SNTB1: variants seen among roughly 807,000 people sequenced by gnomAD.
The protein encoded by SNTB1 is beta-1-syntrophin.
SNTB1 carries 36 observed loss-of-function variants against 48.9 expected under a neutral mutation model. The observed-to-expected ratio is 0.74, with a 90% CI of 0.56 to 0.97. The LOEUF (loss-of-function observed/expected upper bound fraction) is 0.97. Ranked by LOEUF, SNTB1 falls within the 50% of genes least tolerant of loss-of-function variation. SNTB1 has a pLI of 0.00. For missense variants in SNTB1, 786 were observed against 703.4 expected (o/e 1.12, Z -1.33); for synonymous variants, 299 against 294.6 (o/e 1.01, Z -0.15).
chr8:120,775,295 T>A (rs1317327259), intron 1 of SNTB1: 2 of 152,128 alleles, frequency 1.3e-5, no homozygotes, highest in Non-Finnish European at 2.9e-5. Context: ...CCAGCGACAT[T>A]CATTCCGCAA....
At chr8:120,779,233 G>A (rs769163058) in intron 1 of SNTB1, among the ~76,000 whole-genome samples, 28 of 152,206 alleles carry the variant, frequency 1.8e-4, no homozygotes, top group Admixed American at 1.6e-3. Context: ...GGCTGGGCGT[G>A]GTGGCTCATG....
At chr8:120,758,419 A>G (rs748887103) in intron 1 of SNTB1, among the ~76,000 whole-genome samples, 11 of 152,164 alleles carry the variant, frequency 7.2e-5, no homozygotes, top group Admixed American at 2.0e-4. Flanking sequence ...GTGACTTTAC[A>G]TTGAGTTAGA....
intron 4 of SNTB1, among the ~76,000 whole-genome samples, chr8:120,564,881 T>C (rs892987508): frequency 6.6e-6 from 1 of 152,156 alleles, no homozygotes; most frequent in African/African-American, 2.4e-5. Context: ...TATGATTCTA[T>C]TTTTTAGATG....
At chr8:120,734,194 A>T (rs1818900213) in intron 1 of SNTB1, among the ~76,000 whole-genome samples, 1 of 152,202 alleles carries the variant, frequency 6.6e-6, no homozygotes, top group Non-Finnish European at 1.5e-5. Context: ...CTGTAATCCC[A>T]GCACTTTGGG....
At chr8:120,633,712 A>G (rs1817022426) in intron 2 of SNTB1, among the ~76,000 whole-genome samples, 1 of 152,214 alleles carries the variant, frequency 6.6e-6, no homozygotes, top group African/African-American at 2.4e-5. Context: ...AGAGATCTGT[A>G]TACTGTAATT....
chr8:120,658,168 TA>T (rs1195223690), intron 2 of SNTB1, among the ~76,000 whole-genome samples: 6 of 152,138 alleles, frequency 3.9e-5, no homozygotes, highest in Admixed American at 3.3e-4. Flanking sequence ...GGCTTCTATA[TA>T]AATAAAGATG....
chr8:120,720,797 G>A (rs538344569), intron 1 of SNTB1, among the ~76,000 whole-genome samples: 1 of 152,298 alleles, frequency 6.6e-6, no homozygotes, highest in Admixed American at 6.5e-5. Context: ...ACCAAGTCAG[G>A]AGTGAGTGGG....
intron 2 of SNTB1, among the ~76,000 whole-genome samples, chr8:120,683,474 G>T (rs1295978772): frequency 6.6e-6 from 1 of 152,168 alleles, no homozygotes; most frequent in Non-Finnish European, 1.5e-5. Flanking sequence ...CAAAAAAAGG[G>T]GGTGGGGGCG....
chr8:120,646,569 G>C (rs1817300764), intron 2 of SNTB1, among the ~76,000 whole-genome samples: 1 of 151,636 alleles, frequency 6.6e-6, no homozygotes, highest in South Asian at 2.1e-4. Context: ...CGTTTTGCCA[G>C]TATTTTATTG....
At chr8:120,705,110 T>C (rs1818360417) in intron 1 of SNTB1, among the ~76,000 whole-genome samples, 3 of 152,214 alleles carry the variant, frequency 2.0e-5, no homozygotes, top group Admixed American at 2.0e-4. Context: ...GATCAGCTTG[T>C]TGAAAGGCTC....
intron 3 of SNTB1, among the ~76,000 whole-genome samples, chr8:120,628,759 GAAAA>G (rs146824400): frequency 0.018 from 2,595 of 147,024 alleles, 72 homozygotes; most frequent in African/African-American, 0.061. Context: ...CCATCTCAAA[GAAAA>G]AAAAAAGAAA....
chr8:120,735,053 T>C (rs1818919744), intron 1 of SNTB1, among the ~76,000 whole-genome samples: 1 of 152,190 alleles, frequency 6.6e-6, no homozygotes, highest in African/African-American at 2.4e-5. Context: ...AGAAAGAGAA[T>C]ACAAGTCTGT....
At chr8:120,688,400 A>G (rs1261894276) in intron 2 of SNTB1, among the ~76,000 whole-genome samples, 1 of 152,232 alleles carries the variant, frequency 6.6e-6, no homozygotes, top group Non-Finnish European at 1.5e-5. Flanking sequence ...AGAGAAGAAT[A>G]TGAAAAGCGA....
intron 1 of SNTB1, among the ~76,000 whole-genome samples, chr8:120,705,534 G>T (rs1818366498): frequency 6.6e-6 from 1 of 152,154 alleles, no homozygotes; most frequent in Admixed American, 6.5e-5. Flanking sequence ...AGACTGGGAG[G>T]TGGTGACTTC....
At chr8:120,687,523 T>C (rs1758818451) in intron 2 of SNTB1, among the ~76,000 whole-genome samples, 2 of 152,212 alleles carry the variant, frequency 1.3e-5, no homozygotes, top group Admixed American at 1.3e-4. Flanking sequence ...CTCCCCATCC[T>C]GGAAAGGAGG....
intron 2 of SNTB1, among the ~76,000 whole-genome samples, chr8:120,634,915 G>A (rs1169924739): frequency 2.0e-5 from 3 of 150,086 alleles, no homozygotes; most frequent in East Asian, 2.0e-4. Context: ...GCAGTGGTGC[G>A]ACCTTGGCTC....
intron 1 of SNTB1, among the ~76,000 whole-genome samples, chr8:120,709,329 A>G (rs920132655): frequency 6.6e-6 from 1 of 152,214 alleles, no homozygotes; most frequent in Non-Finnish European, 1.5e-5. Context: ...ATGGGAAGAA[A>G]TACAGGCTTC....
chr8:120,722,132 C>G (rs968209600), intron 1 of SNTB1, among the ~76,000 whole-genome samples: 1 of 152,178 alleles, frequency 6.6e-6, no homozygotes, highest in African/African-American at 2.4e-5. Flanking sequence ...TTAATCCAGT[C>G]TATCATTGCT....
intron 4 of SNTB1, among the ~76,000 whole-genome samples, chr8:120,553,604 G>A (rs890831678): frequency 1.3e-5 from 2 of 152,148 alleles, no homozygotes; most frequent in African/African-American, 4.8e-5. Flanking sequence ...CTCTGTAAAT[G>A]TAACTCAAGG....
Sources: gnomAD v4.1 joint callset for allele counts (sites outside exome capture counted in the v4.1 genomes callset) on GRCh38, gnomAD v4.1.1 for gene constraint, MANE v1.5 for transcripts, NCBI Gene and HGNC (gene_info 2026-07-23, HGNC 2026-07-21) for gene names.